Variants in MLLT3 observed in about 807,000 individuals in gnomAD.
MLLT3 encodes the protein MLLT3 super elongation complex subunit, also known as protein AF-9.
Under a neutral mutation model 53.2 loss-of-function variants are expected in MLLT3, and 4 were observed. The ratio of observed to expected loss-of-function variants is 0.08; its 90% CI spans 0.04 to 0.17. The LOEUF (loss-of-function observed/expected upper bound fraction) is 0.17. Among genes scored for constraint, MLLT3 ranks in the 10% least tolerant of loss-of-function variants. The pLI is 1.00. For synonymous variants in MLLT3, 283 were observed against 230.6 expected (o/e 1.23, Z -2.06); for missense variants, 569 against 684.0 (o/e 0.83, Z 1.87).
chr9:20,389,392 A>G (rs1822129159), intron 5 of MLLT3, among the ~76,000 whole-genome samples: 1 of 152,166 alleles, frequency 6.6e-6, no homozygotes, highest in Non-Finnish European at 1.5e-5. Context: ...TTGAGAGTTG[A>G]TAGCTAAAGG....
At chr9:20,365,848 G>T in intron 5 of MLLT3, 104 bp from the exon 6 acceptor site, 2 of 1,096,650 alleles carry the variant, frequency 1.8e-6, no homozygotes, top group Non-Finnish European at 2.7e-6. Context: ...CAAAAACCGT[G>T]ATGCATTTCA....
intron 2 of MLLT3, among the ~76,000 whole-genome samples, chr9:20,552,622 T>C (rs1362397994): frequency 6.6e-6 from 1 of 152,160 alleles, no homozygotes; most frequent in Non-Finnish European, 1.5e-5. Flanking sequence ...AAGACGAGTT[T>C]TGAGTTTCTG....
At chr9:20,537,784 A>G (rs534221822) in intron 2 of MLLT3, among the ~76,000 whole-genome samples, 8 of 152,346 alleles carry the variant, frequency 5.3e-5, no homozygotes, top group African/African-American at 1.9e-4. Flanking sequence ...TATGAAAATA[A>G]AGTCTAAGTT....
chr9:20,348,245 G>A (rs1365565508), intron 10 of MLLT3, among the ~76,000 whole-genome samples: 3 of 151,868 alleles, frequency 2.0e-5, no homozygotes, highest in African/African-American at 4.8e-5. Flanking sequence ...TTTTATTAAC[G>A]GAAGGCCGTT....
intron 5 of MLLT3, among the ~76,000 whole-genome samples, chr9:20,403,855 A>G (rs907971721): frequency 6.6e-6 from 1 of 152,178 alleles, no homozygotes; most frequent in Non-Finnish European, 1.5e-5. Context: ...TCTCACTCAC[A>G]TTGCCCAGGC....
At chr9:20,560,374 T>C (rs1475049410) in intron 2 of MLLT3, among the ~76,000 whole-genome samples, 2 of 152,142 alleles carry the variant, frequency 1.3e-5, no homozygotes, top group Non-Finnish European at 2.9e-5. Context: ...AGAAAACATA[T>C]TATATCTTAC....
At chr9:20,442,886 TCTC>T (rs1231528377) in intron 4 of MLLT3, among the ~76,000 whole-genome samples, 1 of 152,134 alleles carries the variant, frequency 6.6e-6, no homozygotes, top group Non-Finnish European at 1.5e-5. Flanking sequence ...CCCCATGTCT[TCTC>T]CAGCAAATCT....
chr9:20,602,484 G>A (rs755156806), intron 2 of MLLT3, among the ~76,000 whole-genome samples: 5 of 151,996 alleles, frequency 3.3e-5, no homozygotes, highest in Admixed American at 3.3e-4. Flanking sequence ...ACTCTCACAT[G>A]GCTTATAAAA....
In MLLT3 at chr9:20,622,417, T is replaced by TGCTCGCTC. The variant is rs950713463; in HGVS notation, c.-169_-162dup. Reference sequence around the variant, plus strand: ...CTGCCTTTTTCCCCCCGCGCTCGCTTGCTCGCTCGCTCGCTTATTAAACTC... The same window carrying TGCTCGCTC: ...CTGCCTTTTTCCCCCCGCGCTCGCTTGCTCGCTCGCTCGCTCGCTCGCTTATTAAACTC... On this transcript the variant is annotated 5_prime_UTR_variant, in exon 1 of 11. Transcript: ENST00000380338. The TGCTCGCTC allele has an allele frequency of 3.1e-6, 2 of 644,848 alleles. No individual in the cohort carries two copies. Among genetic ancestry groups the TGCTCGCTC allele is most frequent in the Non-Finnish European group, 5.2e-6 (2 of 384,368 alleles). The allele number at this position is 644,848 out of a possible 1,614,324, so 39.9% of individuals were successfully genotyped here. A position where few individuals can be genotyped will look rare whatever the true frequency, so the allele number is the denominator to read the frequency against.
At chr9:20,586,447 A>G (rs1011533313) in intron 2 of MLLT3, among the ~76,000 whole-genome samples, 1 of 152,102 alleles carries the variant, frequency 6.6e-6, no homozygotes, top group African/African-American at 2.4e-5. Context: ...CCAAATCCCA[A>G]AAGTGATATC....
intron 5 of MLLT3, among the ~76,000 whole-genome samples, chr9:20,372,209 C>A (rs887465616): frequency 6.6e-6 from 1 of 152,160 alleles, no homozygotes; most frequent in East Asian, 1.9e-4. Context: ...ATGCTAGGAA[C>A]ATTGTTGAAA....
intron 4 of MLLT3, among the ~76,000 whole-genome samples, chr9:20,432,832 T>C (rs986909740): frequency 2.6e-5 from 4 of 152,078 alleles, no homozygotes; most frequent in Non-Finnish European, 5.9e-5. Flanking sequence ...CTCCTACATA[T>C]GTATGCTTTT....
chr9:20,364,160 C>T (rs193060428), intron 6 of MLLT3, among the ~76,000 whole-genome samples: 225 of 152,300 alleles, frequency 1.5e-3, no homozygotes, highest in African/African-American at 5.1e-3. Flanking sequence ...ATCTTGGACA[C>T]AAGGTCTTGT....
At chr9:20,454,743 A>C (rs1247306039) in intron 3 of MLLT3, among the ~76,000 whole-genome samples, 1 of 152,206 alleles carries the variant, frequency 6.6e-6, no homozygotes, top group Non-Finnish European at 1.5e-5. Flanking sequence ...CATCACTTAA[A>C]CTTCTAAGAT....
intron 2 of MLLT3, among the ~76,000 whole-genome samples, chr9:20,561,124 T>A (rs774427888): frequency 1.3e-5 from 2 of 152,158 alleles, no homozygotes; most frequent in Non-Finnish European, 2.9e-5. Flanking sequence ...AGGTTACACA[T>A]GCATGCACGC....
intron 2 of MLLT3, among the ~76,000 whole-genome samples, chr9:20,529,869 C>A (rs1818288292): frequency 6.6e-6 from 1 of 151,824 alleles, no homozygotes; most frequent in South Asian, 2.1e-4. Flanking sequence ...CACTGTAATC[C>A]AATTCTTTAT....
chr9:20,550,334 A>C (rs2119026245), intron 2 of MLLT3, among the ~76,000 whole-genome samples: 1 of 152,238 alleles, frequency 6.6e-6, no homozygotes, highest in Non-Finnish European at 1.5e-5. Context: ...TGTGTATTTC[A>C]CCCTGGCTTT....
chr9:20,445,175 G>C (rs1205002392), intron 4 of MLLT3, among the ~76,000 whole-genome samples: 1 of 152,042 alleles, frequency 6.6e-6, no homozygotes, highest in Non-Finnish European at 1.5e-5. Flanking sequence ...GTCTAATTTA[G>C]AGGAAACTAC....
At chr9:20,404,753 A>G (rs1215803463) in intron 5 of MLLT3, among the ~76,000 whole-genome samples, 1 of 152,056 alleles carries the variant, frequency 6.6e-6, no homozygotes, top group Non-Finnish European at 1.5e-5. Context: ...CAATCCTCCT[A>G]CCTTGGCCTC....
Sources: gnomAD v4.1 joint callset for allele counts (sites outside exome capture counted in the v4.1 genomes callset) on GRCh38, gnomAD v4.1.1 for gene constraint, MANE v1.5 for transcripts, NCBI Gene and HGNC (gene_info 2026-07-23, HGNC 2026-07-21) for gene names.